The following CRYBG1 variants were observed in gnomAD, a reference collection of about 807,000 sequenced individuals.
CRYBG1 encodes the protein crystallin beta-gamma domain containing 1.
CRYBG1 carries 139 observed loss-of-function variants against 189.2 expected under a neutral mutation model. The observed-to-expected ratio is 0.73, with a 90% CI of 0.64 to 0.85. The LOEUF is 0.85. Among genes scored for constraint, CRYBG1 ranks in the 40% least tolerant of loss-of-function variants. The pLI is 0.00. For missense variants in CRYBG1, 2,611 were observed against 2,675.8 expected (o/e 0.98, Z 0.53); for synonymous variants, 1,023 against 1,017.1 (o/e 1.01, Z -0.11).
chr6:106,520,411 C>T lies in CRYBG1; in HGVS notation c.3203C>T (p.Ala1068Val), dbSNP rs144739119. 2.3e-5 allele frequency: 37 copies of T among 1,614,032 alleles called. No homozygotes were observed. Among genetic ancestry groups the T allele is most frequent in the South Asian group, 7.7e-5 (7 of 91,084 alleles). ...TCTCCCAGCAGCGGAAATCACTTAG[C>T]CACTCCTCAAAGGCCAGATCAGACT... ...TNSPSSGNHL[A>V]TPQRPDQTVT... The change falls in exon 4 of 22, where the codon GCC (alanine) becomes GTC (valine). Residue 1068 changes from alanine (A) to valine (V), a missense_variant. Coordinates refer to ENST00000633556, the MANE Select transcript of CRYBG1 (RefSeq NM_001371242.2).
chr6:106,527,235 C>A, intron 6 of CRYBG1, 70 bp from the exon 7 acceptor site: 1 of 1,355,082 alleles, frequency 7.4e-7, no homozygotes, highest in Non-Finnish European at 1.0e-6. Context: ...GGCAATTAGC[C>A]AGGTTATTTG....
At chr6:106,492,426 G>A (rs1161145926) in intron 2 of CRYBG1, among the ~76,000 whole-genome samples, 1 of 152,010 alleles carries the variant, frequency 6.6e-6, no homozygotes, top group Non-Finnish European at 1.5e-5. Flanking sequence ...TAGAGAATTA[G>A]ATTAGTATTA....
intron 17 of CRYBG1, among the ~76,000 whole-genome samples, chr6:106,558,058 T>G (rs1028926226): frequency 5.3e-5 from 8 of 152,102 alleles, no homozygotes; most frequent in African/African-American, 1.9e-4. Context: ...GAAGGTTCCC[T>G]GATTAGGCAA....
chr6:106,563,792 T>C lies in CRYBG1; in HGVS notation c.6167T>C (p.Val2056Ala), dbSNP rs775319000. Reference sequence around the variant, plus strand: ...GCAGAAGACTGCTGCCTGACGATTGTGGGCAGCCTGGTAACATCTGGCTCC... The same window carrying C: ...GCAGAAGACTGCTGCCTGACGATTGCGGGCAGCCTGGTAACATCTGGCTCC... ...RIAEDCCLTI[V>A]GSLVTSGSKL... Residue 2056 changes from valine (V) to alanine (A), a missense_variant, in exon 21 of 22, where the codon GTG becomes GCG. Transcript: ENST00000633556. 1 of 1,609,870 alleles carries C rather than the reference T, an allele frequency of 6.2e-7. No individual in the cohort carries two copies. Among genetic ancestry groups the C allele is most frequent in the Admixed American group, 1.7e-5 (1 of 59,958 alleles).
chr6:106,439,125 AG>A, intron 1 of CRYBG1, among the ~76,000 whole-genome samples: 1 of 151,960 alleles, frequency 6.6e-6, no homozygotes, highest in African/African-American at 2.4e-5. Context: ...CTTCTTTTAA[AG>A]AAAAAAACGG....
chr6:106,389,866 TAACTTTTTTCAGCTGCTACA>T (rs1301328104), intron 1 of CRYBG1, among the ~76,000 whole-genome samples: 5 of 152,236 alleles, frequency 3.3e-5, no homozygotes, highest in Admixed American at 3.3e-4. Context: ...TGTGATGTTT[TAACTTTTTTCAGCTGCTACA>T]ACTTAAGCCC....
intron 1 of CRYBG1, among the ~76,000 whole-genome samples, chr6:106,430,618 T>C (rs1340339213): frequency 6.6e-6 from 1 of 151,820 alleles, no homozygotes; most frequent in Non-Finnish European, 1.5e-5. Flanking sequence ...TCAGCTAGGG[T>C]GGCTTGAATA....
chr6:106,483,395 T>C (rs1052391501), intron 2 of CRYBG1, among the ~76,000 whole-genome samples: 4 of 130,898 alleles, frequency 3.1e-5, no homozygotes, highest in African/African-American at 7.6e-5. Context: ...TATATAGATA[T>C]ATATATAAAA....
intron 13 of CRYBG1, among the ~76,000 whole-genome samples, chr6:106,550,413 G>A (rs928954403): frequency 2.6e-4 from 39 of 152,108 alleles, no homozygotes; most frequent in Non-Finnish European, 1.2e-4. Flanking sequence ...CAATATAATG[G>A]TATTAAGTAT....
Position 106,561,385 on chromosome 6 carries a change from T to C in CRYBG1, c.6023T>C (p.Phe2008Ser). Residue 2008 changes from phenylalanine to serine, a missense_variant, in exon 20 of 22, where the codon TTC becomes TCC. By Grantham distance (155) the Phe-to-Ser change is radical. Around this residue, in one of 3 missense-constraint regions of CRYBG1, gnomAD observed 1,622 missense variants for 1,735.0 expected, o/e 0.93. Transcript: ENST00000633556. ...CTTCGAAACAAAGCAACAGGGTTAT[T>C]CATGTCAACCAATGGAAACTTAGAG... ...FRLRNKATGL[F>S]MSTNGNLEDL... 1.2e-6 allele frequency: 2 copies of C among 1,614,134 alleles called. No individual in the cohort carries two copies. Among genetic ancestry groups the C allele is most frequent in the Non-Finnish European group, 8.5e-7 (1 of 1,179,994 alleles).
rs781344637 is a variant in CRYBG1, at chr6:106,520,325, T to A, written c.3117T>A (p.Pro1039=). 14 of 1,614,034 alleles carry A rather than the reference T, an allele frequency of 8.7e-6. No homozygotes were observed. The highest frequency in any genetic ancestry group is 3.4e-6 in the Non-Finnish European group (4 of 1,180,044). The change falls in exon 4 of 22, where the codon CCT becomes CCA. Residue 1039 remains proline (P), a synonymous_variant. Transcript: ENST00000633556. ...CGCCAGCATCAGAGAAAACTCTGCC[T>A]ATTCAGGCTCAAAGTCAGGGCAGCA... ...VIPPASEKTL[P]IQAQSQGSRT...
chr6:106,449,849 A>G (rs1409144330), intron 1 of CRYBG1, among the ~76,000 whole-genome samples: 2 of 152,216 alleles, frequency 1.3e-5, no homozygotes, highest in Non-Finnish European at 2.9e-5. Context: ...GTATGAAACT[A>G]AAGGAAAAAC....
chr6:106,462,988 A>G (rs1772043139), intron 2 of CRYBG1, among the ~76,000 whole-genome samples: 1 of 152,170 alleles, frequency 6.6e-6, no homozygotes, highest in Non-Finnish European at 1.5e-5. Flanking sequence ...CCCTATCTCT[A>G]CAAAAAAATT....
chr6:106,454,175 G>C (rs75711521), intron 2 of CRYBG1, among the ~76,000 whole-genome samples: 1 of 152,078 alleles, frequency 6.6e-6, no homozygotes, highest in East Asian at 1.9e-4. Flanking sequence ...TTTCACCCTT[G>C]CTCTCTTAGG....
intron 2 of CRYBG1, among the ~76,000 whole-genome samples, chr6:106,504,241 G>A (rs776731627): frequency 6.6e-5 from 10 of 152,182 alleles, no homozygotes; most frequent in Non-Finnish European, 1.3e-4. Context: ...CATCGGAGAA[G>A]AAGGTTCTGA....
intron 1 of CRYBG1, among the ~76,000 whole-genome samples, chr6:106,379,073 C>T (rs1158522633): frequency 2.6e-5 from 4 of 151,964 alleles, no homozygotes; most frequent in African/African-American, 9.7e-5. Flanking sequence ...TGCTTGACCC[C>T]GGGAGGCAGA....
chr6:106,419,607 C>T (rs1383754848), intron 1 of CRYBG1, among the ~76,000 whole-genome samples: 1 of 152,190 alleles, frequency 6.6e-6, no homozygotes. Flanking sequence ...TGGTCTCAAA[C>T]TCTTGGGCTC....
chr6:106,474,928 A>G (rs946264528), intron 2 of CRYBG1, among the ~76,000 whole-genome samples: 1 of 152,166 alleles, frequency 6.6e-6, no homozygotes, highest in Non-Finnish European at 1.5e-5. Context: ...TTATGTTCTT[A>G]TTTCCCTTTT....
chr6:106,474,714 G>A (rs1420804695), intron 2 of CRYBG1, among the ~76,000 whole-genome samples: 2 of 152,172 alleles, frequency 1.3e-5, no homozygotes, highest in African/African-American at 4.8e-5. Context: ...GAGCTTGGAT[G>A]TGCAAGCTGA....
Sources: allele counts gnomAD v4.1 joint callset (sites outside exome capture counted in the v4.1 genomes callset), GRCh38; gene constraint gnomAD v4.1.1; regional missense constraint gnomAD v4.1.1; transcripts MANE v1.5; gene names NCBI Gene and HGNC (gene_info 2026-07-23, HGNC 2026-07-21).